Variants in CDH13 observed in about 807,000 individuals in gnomAD.
CDH13 encodes cadherin 13, also known as cadherin-13.
In CDH13, 24 loss-of-function variants were observed where a neutral mutation model predicts 63.8. The ratio of observed to expected loss-of-function variants is 0.38; its 90% CI spans 0.27 to 0.53. The LOEUF is 0.53. Ranked by LOEUF, CDH13 falls within the 20% of genes least tolerant of loss-of-function variation. The pLI is 0.85. For missense variants in CDH13, 1,049 were observed against 903.1 expected (o/e 1.16, Z -2.07); for synonymous variants, 503 against 355.3 (o/e 1.42, Z -4.67).
intron 11 of CDH13, among the ~76,000 whole-genome samples, chr16:83,774,555 G>A (rs185636897): frequency 3.3e-5 from 5 of 152,212 alleles, no homozygotes; most frequent in African/African-American, 4.8e-5. Flanking sequence ...TGTATTTTTA[G>A]TAGAGACAGG....
chr16:82,798,315 C>T (rs556263919), intron 1 of CDH13, among the ~76,000 whole-genome samples: 3 of 152,288 alleles, frequency 2.0e-5, no homozygotes, highest in Admixed American at 1.3e-4. Context: ...AATATTAGAA[C>T]TCAGGTCTGT....
chr16:83,370,550 G>T lies in CDH13; in HGVS notation c.781+25544G>T, dbSNP rs180946711. Among the ~76,000 whole-genome samples, 3 of 152,250 alleles carry T rather than the reference G, an allele frequency of 2.0e-5. No individual in the cohort carries two copies. In the East Asian group the frequency reaches 5.8e-4, roughly 29 times the overall value. On this transcript the variant is annotated intron_variant, in intron 6 of 13. Coordinates refer to ENST00000567109, the MANE Select transcript of CDH13 (RefSeq NM_001257.5). ...GTGTGTCACAGGGGTTTGGTGTACA[G>T]ATTATTTCATCACCCAGGTAATAAG...
intron 1 of CDH13, among the ~76,000 whole-genome samples, chr16:82,667,046 A>C (rs78468118): frequency 0.015 from 2,226 of 152,240 alleles, 62 homozygotes; most frequent in African/African-American, 0.051. Context: ...GTTTCTCTCC[A>C]AACTGACAAA....
At chr16:83,205,249 A>G (rs949094839) in intron 4 of CDH13, among the ~76,000 whole-genome samples, 1 of 152,242 alleles carries the variant, frequency 6.6e-6, no homozygotes, top group Non-Finnish European at 1.5e-5. Context: ...CACAGCATGC[A>G]TTAAGAAATC....
At chr16:83,090,891 G>GAA (rs36114971) in intron 3 of CDH13, among the ~76,000 whole-genome samples, 46 of 147,164 alleles carry the variant, frequency 3.1e-4, no homozygotes, top group Admixed American at 1.3e-3. Flanking sequence ...AAACCATTTT[G>GAA]AAAAAAAAAA....
chr16:83,304,487 G>C (rs973046243), intron 5 of CDH13, among the ~76,000 whole-genome samples: 2 of 152,098 alleles, frequency 1.3e-5, no homozygotes, highest in Admixed American at 6.6e-5. Context: ...CATAAAAATA[G>C]ATATGGGAAA....
At chr16:83,534,508 G>C (rs577755506) in intron 7 of CDH13, among the ~76,000 whole-genome samples, 9 of 152,166 alleles carry the variant, frequency 5.9e-5, no homozygotes, top group African/African-American at 2.2e-4. Context: ...CCTCTTCCTG[G>C]CTAGCACCTA....
Position 82,754,405 on chromosome 16 carries a change from C to T in CDH13, c.46-103957C>T, listed in dbSNP as rs564659197. On this transcript the variant is annotated intron_variant, in intron 1 of 13. Coordinates refer to ENST00000567109, the MANE Select transcript of CDH13 (RefSeq NM_001257.5). ...TATTGTCTCCATTTCATTTTAGGGC[C>T]TGAACTTTAGGAGAATAAAGTTATC... Among the ~76,000 whole-genome samples, 5 of 152,224 alleles carry T rather than the reference C, an allele frequency of 3.3e-5. No homozygotes were observed. In the East Asian group the frequency reaches 9.6e-4, roughly 29 times the overall value.
chr16:82,895,732 C>T (rs1163352266), intron 2 of CDH13, among the ~76,000 whole-genome samples: 2 of 151,344 alleles, frequency 1.3e-5, no homozygotes, highest in African/African-American at 4.9e-5. Context: ...TTGGTTTTGT[C>T]CATTATAAAC....
chr16:83,684,731 C>A (rs143449911), intron 10 of CDH13, among the ~76,000 whole-genome samples: 1 of 152,336 alleles, frequency 6.6e-6, no homozygotes, highest in Non-Finnish European at 1.5e-5. Flanking sequence ...TGTAAAATTT[C>A]ATATCACTGC....
chr16:82,947,135 C>G (rs1274588032), intron 2 of CDH13, among the ~76,000 whole-genome samples: 2 of 151,620 alleles, frequency 1.3e-5, no homozygotes, highest in Admixed American at 1.3e-4. Flanking sequence ...TCAGTAATGA[C>G]AAGTTTGTAT....
At chr16:82,690,998 T>C (rs1264628045) in intron 1 of CDH13, among the ~76,000 whole-genome samples, 1 of 152,134 alleles carries the variant, frequency 6.6e-6, no homozygotes, top group Non-Finnish European at 1.5e-5. Context: ...TAAAGACACA[T>C]AGGAAATGGG....
intron 4 of CDH13, among the ~76,000 whole-genome samples, chr16:83,145,852 A>G (rs528353594): frequency 4.1e-4 from 62 of 152,250 alleles, no homozygotes; most frequent in African/African-American, 1.3e-3. Flanking sequence ...ATGATCAGAG[A>G]TCTCTCTGAG....
At chr16:83,313,385 G>T (rs1353914490) in intron 5 of CDH13, among the ~76,000 whole-genome samples, 1 of 152,106 alleles carries the variant, frequency 6.6e-6, no homozygotes, top group Non-Finnish European at 1.5e-5. Context: ...ATACCATTCA[G>T]CATATGTTAG....
chr16:83,554,833 A>C (rs569565154), intron 7 of CDH13, among the ~76,000 whole-genome samples: 32 of 152,240 alleles, frequency 2.1e-4, no homozygotes, highest in African/African-American at 7.2e-4. Flanking sequence ...TTCCTTCAAA[A>C]ACATTTGTCT....
chr16:82,913,225 T>C (rs28374239), intron 2 of CDH13, among the ~76,000 whole-genome samples: 3,941 of 152,246 alleles, frequency 0.026, 154 homozygotes, highest in African/African-American at 0.09. Flanking sequence ...GGAGTTTACC[T>C]ATTTTTTCCA....
chr16:83,109,594 G>A (rs998775060), intron 3 of CDH13, among the ~76,000 whole-genome samples: 34 of 152,152 alleles, frequency 2.2e-4, no homozygotes, highest in Non-Finnish European at 4.6e-4. Context: ...TATGAGCTCA[G>A]GCAGATGAGG....
intron 1 of CDH13, among the ~76,000 whole-genome samples, chr16:82,725,110 A>G (rs1374666306): frequency 7.5e-6 from 1 of 134,194 alleles, no homozygotes; most frequent in Non-Finnish European, 1.7e-5. Flanking sequence ...GGTTGTGCGG[A>G]TGGTGATGGT....
At position 82,930,623 on chromosome 16, in the gene CDH13, G is replaced by T. The variant is rs567515150; in HGVS notation, c.157+72150G>T. On this transcript the variant is annotated intron_variant, in intron 2 of 13. Transcript: ENST00000567109. ...GAGCTCCCCGTCAGCTCTCTTTGCA[G>T]TCGAGGTTTGTAATTATTCTTAAAA... is the stretch of plus-strand genomic sequence containing the variant. Among the ~76,000 whole-genome samples, 4 of 152,268 alleles carry T rather than the reference G, an allele frequency of 2.6e-5. No individual in the cohort carries two copies. The South Asian group carries it at 8.3e-4, about 32-fold the overall frequency.
Sources: gnomAD v4.1 joint callset for allele counts (sites outside exome capture counted in the v4.1 genomes callset) on GRCh38, gnomAD v4.1.1 for gene constraint, MANE v1.5 for transcripts, NCBI Gene and HGNC (gene_info 2026-07-23, HGNC 2026-07-21) for gene names.